VGLL4: variants seen among roughly 807,000 people sequenced by gnomAD.
The protein encoded by VGLL4 is transcription cofactor vestigial-like protein 4.
Under a neutral mutation model 21.0 loss-of-function variants are expected in VGLL4, and 7 were observed. The ratio of observed to expected loss-of-function variants is 0.33; its 90% CI spans 0.19 to 0.63. VGLL4 has a LOEUF of 0.63. VGLL4 is among the 20% of genes least tolerant of loss of function. The pLI is 0.78. For missense variants in VGLL4, 394 were observed against 425.7 expected, an observed-to-expected ratio of 0.93 and a Z score of 0.66; for synonymous variants, 222 against 173.2, an observed-to-expected ratio of 1.28 and a Z score of -2.21.
At chr3:11,695,951 T>C (rs1008495649) in intron 2 of VGLL4, among the ~76,000 whole-genome samples, 1 of 152,156 alleles carries the variant, frequency 6.6e-6, no homozygotes, top group East Asian at 1.9e-4. Flanking sequence ...CCATGTTATA[T>C]TGAGCATTAT....
At chr3:11,685,071 G>C (rs1035245800) in intron 2 of VGLL4, among the ~76,000 whole-genome samples, 2 of 152,100 alleles carry the variant, frequency 1.3e-5, no homozygotes, top group Non-Finnish European at 2.9e-5. Flanking sequence ...TTATAAGTGA[G>C]AATGTGAGGT....
At chr3:11,681,247 G>A (rs3179640) in intron 2 of VGLL4, among the ~76,000 whole-genome samples, 79,510 of 151,532 alleles carry the variant, frequency 0.52, 21,970 homozygotes, top group Non-Finnish European at 0.63. Flanking sequence ...ACAGGTGCCC[G>A]CCACCACGCC....
upstream of VGLL4, among the ~76,000 whole-genome samples, chr3:11,646,462 C>T (rs2075794604): frequency 6.6e-6 from 1 of 151,900 alleles, no homozygotes; most frequent in Non-Finnish European, 1.5e-5. Context: ...ATCCCCAACT[C>T]ATCTGAGGTG....
chr3:11,623,380 C>T (rs1407253304), intron 1 of VGLL4, among the ~76,000 whole-genome samples: 1 of 152,132 alleles, frequency 6.6e-6, no homozygotes, highest in Admixed American at 6.5e-5. Context: ...CACACATACC[C>T]AAGTCTCAAA....
At chr3:11,641,799 G>A (rs188769562) in intron 1 of VGLL4, among the ~76,000 whole-genome samples, 16 of 152,202 alleles carry the variant, frequency 1.1e-4, no homozygotes, top group African/African-American at 3.4e-4. Context: ...CCTGGGTGTT[G>A]CATGCTACAC....
At chr3:11,642,850 C>T (rs1446836343) in intron 1 of VGLL4, among the ~76,000 whole-genome samples, 1 of 152,178 alleles carries the variant, frequency 6.6e-6, no homozygotes, top group Non-Finnish European at 1.5e-5. Flanking sequence ...AGTGTCAGCG[C>T]TCCCCGGGCT....
chr3:11,644,923 G>T (rs963424263), upstream of VGLL4, among the ~76,000 whole-genome samples: 18 of 151,636 alleles, frequency 1.2e-4, no homozygotes, highest in Admixed American at 6.6e-4. Context: ...AAGCAAATAG[G>T]GCTATAATAT....
chr3:11,644,286 CATAT>C, upstream of VGLL4, among the ~76,000 whole-genome samples: 1 of 150,202 alleles, frequency 6.7e-6, no homozygotes, highest in African/African-American at 2.4e-5. Flanking sequence ...ATGCATAAGC[CATAT>C]ATATATATAT....
rs1001394040 is a variant in VGLL4 at position 11,671,153 on chromosome 3, T to G, written c.64+31818A>C. ...AAGTGTTTTCATGAAGTAATGAGGC[T>G]TTAGATAAACATACCACACTTTTCT... On this transcript the variant is annotated intron_variant, in intron 2 of 5. Coordinates refer to the VGLL4 transcript ENST00000273038. 17 of 1,276,850 alleles carry G rather than the reference T, an allele frequency of 1.3e-5. No individual in the cohort carries two copies. The African/African-American group carries it at 1.6e-4, about 12-fold the overall frequency. The allele number at this position is 1,276,850 out of a possible 1,614,324, so 79.1% of individuals were successfully genotyped here.
chr3:11,558,472 A>AGC lies in VGLL4; in HGVS notation c.*83_*84insGC. The AGC allele has an allele frequency of 1.5e-6, 1 of 650,940 alleles. No homozygotes were observed. The allele number at this position is 650,940 out of a possible 1,614,324, so 40.3% of individuals were successfully genotyped here. Reference sequence around the variant, plus strand: ...CTTCCCTTCCCCCCACCCCACCCCCATGATTTTTTTTTTTTTAAGTACTGA... The same window carrying AGC: ...CTTCCCTTCCCCCCACCCCACCCCCAGCTGATTTTTTTTTTTTTAAGTACTGA... On this transcript the variant is annotated 3_prime_UTR_variant, in exon 5 of 5. Coordinates refer to ENST00000430365, the MANE Select transcript of VGLL4 (RefSeq NM_001128219.3).
At position 11,558,456 on chromosome 3, in the gene VGLL4, C is replaced by T; in HGVS notation, c.*100G>A. 2 of 940,494 alleles carry T rather than the reference C, an allele frequency of 2.1e-6. No individual in the cohort carries two copies. The highest frequency in any genetic ancestry group is 3.0e-6 in the Non-Finnish European group (2 of 664,680). 58.3% of individuals were successfully genotyped at this position (940,494 alleles called of 1,614,324 possible). On this transcript the variant is annotated 3_prime_UTR_variant, in exon 5 of 5. Transcript: ENST00000430365. ...TGCAAATAAACCATCCCTTCCCTTCCCCCCACCCCACCCCCATGATTTTTT... is the reference window on the plus strand; with the variant it reads ...TGCAAATAAACCATCCCTTCCCTTCTCCCCACCCCACCCCCATGATTTTTT...
chr3:11,657,492 A>T (rs2616540), intron 2 of VGLL4, among the ~76,000 whole-genome samples: 1 of 152,206 alleles, frequency 6.6e-6, no homozygotes, highest in Admixed American at 6.5e-5. Flanking sequence ...TCCTGCTGGT[A>T]TGAATTAACA....
intron 2 of VGLL4, among the ~76,000 whole-genome samples, chr3:11,571,514 T>G (rs1291707442): frequency 6.6e-6 from 1 of 151,682 alleles, no homozygotes. Context: ...CAAAACCCCG[T>G]CTCTACAAAA....
At chr3:11,644,423 G>C (rs2075755407), upstream of VGLL4, among the ~76,000 whole-genome samples, 1 of 152,120 alleles carries the variant, frequency 6.6e-6, no homozygotes, top group Non-Finnish European at 1.5e-5. Flanking sequence ...AACTGAGATG[G>C]ACAGGGCAAG....
intron 2 of VGLL4, among the ~76,000 whole-genome samples, chr3:11,574,056 G>A (rs948803071): frequency 6.6e-6 from 1 of 152,138 alleles, no homozygotes; most frequent in Non-Finnish European, 1.5e-5. Context: ...CTGCACAGAC[G>A]CTCCCCACAG....
chr3:11,599,349 AGAG>A (rs886123976), intron 2 of VGLL4, among the ~76,000 whole-genome samples: 2 of 151,502 alleles, frequency 1.3e-5, no homozygotes, highest in Admixed American at 1.3e-4. Context: ...GGAGTCTGAG[AGAG>A]GAGGTTACTC....
chr3:11,671,927 C>T (rs2076223442), intron 2 of VGLL4, among the ~76,000 whole-genome samples: 1 of 152,138 alleles, frequency 6.6e-6, no homozygotes. Flanking sequence ...TAACTTCTTC[C>T]TTGTTCAGTT....
intron 2 of VGLL4, among the ~76,000 whole-genome samples, chr3:11,595,030 G>C (rs28391039): frequency 0.023 from 3,539 of 152,226 alleles, 148 homozygotes; most frequent in African/African-American, 0.081. Context: ...GCATGGTGGC[G>C]CATGCCTATA....
chr3:11,676,105 T>C (rs930791241), intron 2 of VGLL4, among the ~76,000 whole-genome samples: 1 of 152,106 alleles, frequency 6.6e-6, no homozygotes, highest in Non-Finnish European at 1.5e-5. Flanking sequence ...AAATAATTTT[T>C]GGCCGGGTGC....
Sources: gnomAD v4.1 joint callset for allele counts (sites outside exome capture counted in the v4.1 genomes callset) on GRCh38, gnomAD v4.1.1 for gene constraint, MANE v1.5 for transcripts, NCBI Gene and HGNC (gene_info 2026-07-23, HGNC 2026-07-21) for gene names.